Variants in UNC13C observed in about 807,000 individuals in gnomAD.
The protein encoded by UNC13C is unc-13 homolog C, also known as protein unc-13 homolog C.
UNC13C carries 174 observed loss-of-function variants against 245.4 expected under a neutral mutation model. The ratio of observed to expected loss-of-function variants is 0.71; its 90% confidence interval spans 0.63 to 0.80. The LOEUF (loss-of-function observed/expected upper bound fraction) is 0.80. Among genes scored for constraint, UNC13C ranks in the 30% least tolerant of loss-of-function variants. UNC13C has a pLI of 0.00. For synonymous variants in UNC13C, 992 were observed against 895.1 expected (o/e 1.11, Z -1.93); for missense variants, 2,829 against 2,602.9 (o/e 1.09, Z -1.89).
chr15:54,237,529 C>T lies in UNC13C; in HGVS notation c.3157-90C>T, dbSNP rs777286274. 3.4e-5 allele frequency: 32 copies of T among 928,288 alleles called. No homozygotes were observed. In the South Asian group the frequency reaches 4.2e-4, roughly 12 times the overall value. The allele number at this position is 928,288 out of a possible 1,614,324, so 57.5% of individuals were successfully genotyped here. On this transcript the variant is annotated intron_variant, in intron 6 of 32. Transcript: ENST00000260323. ...CTAACTAAAATATGAACAGTGATAG[C>T]CCATATTCTTGCATTTTCACCTTCT...
chr15:53,977,778 C>T (rs1309177291), upstream of UNC13C, among the ~76,000 whole-genome samples: 1 of 152,182 alleles, frequency 6.6e-6, no homozygotes, highest in Non-Finnish European at 1.5e-5. Context: ...AAAGCAAGTC[C>T]ATTCAATTCC....
chr15:53,841,747 G>A, the UNC13C span, among the ~76,000 whole-genome samples: 1 of 152,112 alleles, frequency 6.6e-6, no homozygotes, highest in South Asian at 2.1e-4. Context: ...AAGATCGTCA[G>A]GGGTCTCATG....
At chr15:53,895,963 C>T in the UNC13C span, among the ~76,000 whole-genome samples, 1 of 133,036 alleles carries the variant, frequency 7.5e-6, no homozygotes, top group African/African-American at 2.8e-5. Flanking sequence ...TTAACTTTAG[C>T]ATTCTCTTTC....
At chr15:54,236,954 GT>G (rs1312116492) in intron 6 of UNC13C, among the ~76,000 whole-genome samples, 1 of 152,102 alleles carries the variant, frequency 6.6e-6, no homozygotes, top group Non-Finnish European at 1.5e-5. Flanking sequence ...GCACTGCTGA[GT>G]TTCTTGTATT....
chr15:54,094,650 A>G (rs1423481976), intron 2 of UNC13C, among the ~76,000 whole-genome samples: 1 of 152,216 alleles, frequency 6.6e-6, no homozygotes, highest in East Asian at 1.9e-4. Context: ...ATTCTCAGAT[A>G]GCAAAAATGT....
intron 19 of UNC13C, among the ~76,000 whole-genome samples, chr15:54,482,232 C>G (rs78434375): frequency 0.03 from 4,499 of 152,122 alleles, 179 homozygotes; most frequent in Admixed American, 0.12. Context: ...AGCAGAGCTT[C>G]AGTAACGTAA....
intron 2 of UNC13C, among the ~76,000 whole-genome samples, chr15:54,095,939 C>A (rs985170720): frequency 2.6e-4 from 40 of 152,118 alleles, no homozygotes; most frequent in African/African-American, 9.4e-4. Context: ...AGACACACAG[C>A]ACGTGTCCAT....
At chr15:54,292,883 A>G (rs1336082896) in intron 10 of UNC13C, among the ~76,000 whole-genome samples, 2 of 148,472 alleles carry the variant, frequency 1.3e-5, no homozygotes, top group African/African-American at 4.9e-5. Context: ...TGTTTTATAC[A>G]TATATCTATA....
chr15:54,078,432 T>A (rs999125152), intron 2 of UNC13C, among the ~76,000 whole-genome samples: 5 of 152,206 alleles, frequency 3.3e-5, no homozygotes, highest in African/African-American at 1.2e-4. Context: ...TCATAGAAGA[T>A]GAGCTAATTT....
chr15:54,097,394 A>G (rs1899925334), intron 2 of UNC13C, among the ~76,000 whole-genome samples: 1 of 152,150 alleles, frequency 6.6e-6, no homozygotes, highest in African/African-American at 2.4e-5. Flanking sequence ...CCCAATGTGT[A>G]AGAAAATTAG....
At chr15:54,473,200 G>C (rs1596444440) in intron 19 of UNC13C, among the ~76,000 whole-genome samples, 1 of 142,698 alleles carries the variant, frequency 7.0e-6, no homozygotes, top group South Asian at 2.4e-4. Context: ...TTATTTTATT[G>C]ATTATTTATT....
At chr15:54,314,558 A>G (rs1346918992) in intron 13 of UNC13C, among the ~76,000 whole-genome samples, 1 of 151,764 alleles carries the variant, frequency 6.6e-6, no homozygotes, top group Admixed American at 6.6e-5. Context: ...TTTGAGAGAG[A>G]ACCTTACCTG....
At chr15:54,207,635 T>C (rs1292643397) in intron 4 of UNC13C, among the ~76,000 whole-genome samples, 1 of 152,130 alleles carries the variant, frequency 6.6e-6, no homozygotes, top group East Asian at 1.9e-4. Flanking sequence ...ATGGGGATAA[T>C]TTGGAGATAA....
At chr15:53,844,122 T>C in the UNC13C span, among the ~76,000 whole-genome samples, 2 of 152,150 alleles carry the variant, frequency 1.3e-5, no homozygotes, top group Non-Finnish European at 2.9e-5. Flanking sequence ...ATGTGTTTCC[T>C]GGAGCAGGAG....
At chr15:54,205,310 G>A (rs931059505) in intron 4 of UNC13C, among the ~76,000 whole-genome samples, 1 of 151,956 alleles carries the variant, frequency 6.6e-6, no homozygotes, top group Non-Finnish European at 1.5e-5. Context: ...TGATTTTCTA[G>A]TTTCTCTTGT....
In UNC13C at chr15:53,988,741, G is replaced by C. The variant is rs570934867; in HGVS notation, c.-257+9814G>C. On this transcript the variant is annotated intron_variant, in intron 1 of 32. Coordinates refer to ENST00000260323, the MANE Select transcript of UNC13C (RefSeq NM_001080534.3). Reference sequence around the variant, plus strand: ...AGTGGACATCAAAGAGTCACTTCTTGCTGCAGGGAAAATCTACTGTTTGTT... The same window carrying C: ...AGTGGACATCAAAGAGTCACTTCTTCCTGCAGGGAAAATCTACTGTTTGTT... Among the ~76,000 whole-genome samples the C allele has an allele frequency of 3.9e-5, 6 of 152,026 alleles. No homozygotes were observed. In the South Asian group the frequency reaches 1.2e-3, roughly 32 times the overall value.
chr15:53,886,897 G>A, the UNC13C span, among the ~76,000 whole-genome samples: 2 of 152,080 alleles, frequency 1.3e-5, no homozygotes, highest in Non-Finnish European at 1.5e-5. Context: ...TCGCAATAGG[G>A]CAGCATCCTA....
intron 8 of UNC13C, among the ~76,000 whole-genome samples, chr15:54,256,439 C>G (rs1022966507): frequency 7.2e-5 from 11 of 152,142 alleles, no homozygotes; most frequent in African/African-American, 2.7e-4. Context: ...GTTTCACTTT[C>G]CAGTTTCAGT....
At chr15:54,548,123 C>T (rs1477602235) in intron 27 of UNC13C, among the ~76,000 whole-genome samples, 1 of 151,876 alleles carries the variant, frequency 6.6e-6, no homozygotes, top group Non-Finnish European at 1.5e-5. Context: ...TACCTTTTCC[C>T]GTCTGCTGGT....
Sources: gnomAD v4.1 joint callset for allele counts (sites outside exome capture counted in the v4.1 genomes callset) on GRCh38, gnomAD v4.1.1 for gene constraint, MANE v1.5 for transcripts, NCBI Gene and HGNC (gene_info 2026-07-23, HGNC 2026-07-21) for gene names.